The following DLGAP2 variants were observed in gnomAD, a reference collection of about 807,000 sequenced individuals.
DLGAP2 encodes the protein disks large-associated protein 2.
In DLGAP2, 26 loss-of-function variants were observed where a neutral mutation model predicts 100.3. That is an observed-to-expected ratio of 0.26 (90% CI 0.19 to 0.36). DLGAP2 has a LOEUF of 0.36. Ranked by LOEUF, DLGAP2 falls within the 10% of genes least tolerant of loss-of-function variation. DLGAP2 has a pLI of 1.00. For synonymous variants in DLGAP2, 886 were observed against 630.1 expected, an observed-to-expected ratio of 1.41 and a Z score of -6.08; for missense variants, 1,858 against 1,453.2, an observed-to-expected ratio of 1.28 and a Z score of -4.53.
chr8:858,535 AATGCTGTCACCGTGGGCACATGTGTG>A (rs1563066819), intron 1 of DLGAP2, among the ~76,000 whole-genome samples: 7 of 108,194 alleles, frequency 6.5e-5, no homozygotes, highest in Non-Finnish European at 1.2e-4. Flanking sequence ...GGGCACGTGT[AATGCTGTCACCGTGGGCACATGTGTG>A]ATGCTGTCAC....
chr8:1,655,902 G>A (rs945455452), intron 8 of DLGAP2, among the ~76,000 whole-genome samples: 5 of 152,224 alleles, frequency 3.3e-5, no homozygotes, highest in Admixed American at 6.5e-5. Flanking sequence ...GTCATGATGA[G>A]GAAGACGTTC....
At chr8:998,821 C>T (rs1350744525) in intron 2 of DLGAP2, among the ~76,000 whole-genome samples, 1 of 152,158 alleles carries the variant, frequency 6.6e-6, no homozygotes, top group East Asian at 1.9e-4. Context: ...CTCATAACAG[C>T]AGTCTTTATA....
At chr8:1,610,905 C>G (rs1213796425) in intron 6 of DLGAP2, among the ~76,000 whole-genome samples, 1 of 109,176 alleles carries the variant, frequency 9.2e-6, no homozygotes, top group South Asian at 3.5e-4. Context: ...CAATAGTTTA[C>G]CAACCAAAAA....
At chr8:829,223 G>T (rs1350987349) in intron 1 of DLGAP2, among the ~76,000 whole-genome samples, 1 of 152,218 alleles carries the variant, frequency 6.6e-6, no homozygotes, top group Non-Finnish European at 1.5e-5. Flanking sequence ...ACAAAATAAA[G>T]TGGAGGCAGA....
intron 2 of DLGAP2, among the ~76,000 whole-genome samples, chr8:984,284 C>A (rs910600697): frequency 4.6e-5 from 7 of 152,290 alleles, no homozygotes; most frequent in African/African-American, 1.7e-4. Flanking sequence ...CTGAGCTGGT[C>A]AAAATCTCTC....
At chr8:1,476,684 G>A (rs958876917) in intron 3 of DLGAP2, among the ~76,000 whole-genome samples, 4 of 146,108 alleles carry the variant, frequency 2.7e-5, no homozygotes, top group African/African-American at 5.1e-5. Context: ...CCACCAGCCC[G>A]TTATGCAGAC....
Position 1,705,123 on chromosome 8 carries a change from G to T in DLGAP2, c.*3717G>T, listed in dbSNP as rs1278861974. The T allele has an allele frequency of 6.6e-6, 1 of 152,240 alleles. No homozygotes were observed. The highest frequency in any genetic ancestry group is 1.5e-5 in the Non-Finnish European group (1 of 68,042). 9.4% of individuals were successfully genotyped at this position (152,240 alleles called of 1,614,324 possible). A position where few individuals can be genotyped will look rare whatever the true frequency, so the allele number is the denominator to read the frequency against. ...CAGGCCTGTGTTTGCAGCGCCTGTG[G>T]TAACTGTGGAATGAGCTCTGTTAGG... On this transcript the variant is annotated 3_prime_UTR_variant, in exon 15 of 15. Transcript: ENST00000637795.
At position 1,548,617 on chromosome 8, in the gene DLGAP2, T is replaced by G. The variant is rs1175608634; in HGVS notation, c.173-9T>G. On this transcript the variant is annotated splice_polypyrimidine_tract_variant and intron_variant, in intron 4 of 14. Coordinates refer to ENST00000637795, the MANE Select transcript of DLGAP2 (RefSeq NM_001346810.2). Reference sequence around the variant, plus strand: ...CCGGGTGTTCAATGCCGTTTCTGTTTCCCCACAGACCCGCAGTACTCATGG... The same window carrying G: ...CCGGGTGTTCAATGCCGTTTCTGTTGCCCCACAGACCCGCAGTACTCATGG... 6.7e-7 allele frequency: 1 copy of G among 1,490,968 alleles called. No individual in the cohort carries two copies. The highest frequency in any genetic ancestry group is 1.3e-5 in the South Asian group (1 of 76,116). 92.4% of individuals were successfully genotyped at this position (1,490,968 alleles called of 1,614,324 possible). A position where few individuals can be genotyped will look rare whatever the true frequency, so the allele number is the denominator to read the frequency against.
chr8:1,237,604 G>A (rs148602974), intron 2 of DLGAP2, among the ~76,000 whole-genome samples: 3,462 of 141,700 alleles, frequency 0.024, 1 homozygote, highest in African/African-American at 0.054. Context: ...CTCACATGGC[G>A]CCGTGTCTAG....
chr8:834,914 C>T (rs1366448790), intron 1 of DLGAP2, among the ~76,000 whole-genome samples: 1 of 152,176 alleles, frequency 6.6e-6, no homozygotes, highest in Non-Finnish European at 1.5e-5. Context: ...AATGAGACTT[C>T]ATTAACCCAA....
chr8:1,031,505 G>T (rs556380864), intron 2 of DLGAP2, among the ~76,000 whole-genome samples: 2 of 151,906 alleles, frequency 1.3e-5, no homozygotes, highest in African/African-American at 4.8e-5. Flanking sequence ...TCAACCTCCC[G>T]GGCTCAAGTG....
intron 1 of DLGAP2, among the ~76,000 whole-genome samples, chr8:805,769 T>C (rs370233127): frequency 6.6e-6 from 1 of 152,146 alleles, no homozygotes; most frequent in African/African-American, 2.4e-5. Flanking sequence ...CCGCCGGCCT[T>C]GGCCTCGGCC....
At chr8:1,694,766 T>A (rs1799338209) in intron 13 of DLGAP2, among the ~76,000 whole-genome samples, 1 of 152,064 alleles carries the variant, frequency 6.6e-6, no homozygotes, top group Non-Finnish European at 1.5e-5. Context: ...GCCACAGAGC[T>A]GTGTGAATTT....
chr8:1,173,016 C>G (rs907661350), intron 2 of DLGAP2, among the ~76,000 whole-genome samples: 3 of 152,026 alleles, frequency 2.0e-5, no homozygotes, highest in Non-Finnish European at 4.4e-5. Context: ...GTGGTTTTAT[C>G]TACTTTTGGT....
At chr8:1,172,023 G>A (rs551295610) in intron 2 of DLGAP2, among the ~76,000 whole-genome samples, 200 of 152,126 alleles carry the variant, frequency 1.3e-3, no homozygotes, top group Non-Finnish European at 1.8e-3. Flanking sequence ...GGCTGGTACT[G>A]GTTGTTCCTT....
chr8:1,145,065 C>G (rs1176222135), intron 2 of DLGAP2, among the ~76,000 whole-genome samples: 1 of 152,264 alleles, frequency 6.6e-6, no homozygotes, highest in African/African-American at 2.4e-5. Context: ...TGCAACTTCT[C>G]TGTATTAGTA....
At chr8:918,863 G>A (rs758726648) in intron 2 of DLGAP2, among the ~76,000 whole-genome samples, 13 of 152,140 alleles carry the variant, frequency 8.5e-5, no homozygotes, top group Non-Finnish European at 1.6e-4. Context: ...TTGAGTTATT[G>A]GAAAGATCTA....
At chr8:1,248,602 G>GTC (rs1303073125) in intron 2 of DLGAP2, 1 of 151,272 alleles carries the variant, frequency 6.6e-6, no homozygotes, top group Non-Finnish European at 1.5e-5. Flanking sequence ...CAGTGTAGGA[G>GTC]TGATGGTCCA....
At chr8:974,184 A>T (rs1387431606) in intron 2 of DLGAP2, among the ~76,000 whole-genome samples, 7 of 152,242 alleles carry the variant, frequency 4.6e-5, no homozygotes, top group Admixed American at 3.9e-4. Flanking sequence ...AACCAGCAAG[A>T]TATATATTAA....
Sources: gnomAD v4.1 joint callset for allele counts (sites outside exome capture counted in the v4.1 genomes callset) on GRCh38, gnomAD v4.1.1 for gene constraint, MANE v1.5 for transcripts, NCBI Gene and HGNC (gene_info 2026-07-23, HGNC 2026-07-21) for gene names.